Variants in STON2 observed in about 807,000 individuals in gnomAD.
STON2 encodes the protein stonin-2.
STON2 carries 29 observed loss-of-function variants against 65.7 expected under a neutral mutation model. That is an observed-to-expected ratio of 0.44 (90% CI 0.33 to 0.60). The LOEUF (loss-of-function observed/expected upper bound fraction) is 0.60, where lower values mean the gene tolerates loss of function less well. STON2 is among the 20% of genes least tolerant of loss of function. The probability of loss-of-function intolerance (pLI) is 0.03; values close to 1 mark genes in which losing one functional copy is unlikely to be tolerated. For synonymous variants in STON2, 404 were observed against 414.2 expected (o/e 0.98, Z 0.30); for missense variants, 1,054 against 1,118.1 (o/e 0.94, Z 0.82).
At chr14:81,386,018 C>T (rs1481864774) in intron 3 of STON2, among the ~76,000 whole-genome samples, 2 of 152,102 alleles carry the variant, frequency 1.3e-5, no homozygotes, top group African/African-American at 4.8e-5. Flanking sequence ...AGGGAACAGC[C>T]AGGGCAGCAG....
chr14:81,330,325 C>G (rs1897165221), intron 4 of STON2, among the ~76,000 whole-genome samples: 2 of 152,198 alleles, frequency 1.3e-5, no homozygotes, highest in Non-Finnish European at 2.9e-5. Context: ...ATGGTGGCCA[C>G]TCACAAGCCC....
At chr14:81,353,205 A>G (rs964843080) in intron 4 of STON2, among the ~76,000 whole-genome samples, 1 of 152,222 alleles carries the variant, frequency 6.6e-6, no homozygotes, top group Non-Finnish European at 1.5e-5. Flanking sequence ...ACATTTGAAA[A>G]CATGGGGAAA....
intron 2 of STON2, among the ~76,000 whole-genome samples, chr14:81,423,048 G>T (rs943967445): frequency 3.4e-5 from 5 of 147,424 alleles, no homozygotes; most frequent in Non-Finnish European, 5.9e-5. Flanking sequence ...AAAAAAAAAA[G>T]ATTTCTAGAT....
Position 81,313,810 on chromosome 14 carries a change from T to TACACAC in STON2, c.742+10201_742+10206dup, listed in dbSNP as rs10527861. Among the ~76,000 whole-genome samples, 1,036 of 139,804 alleles carry TACACAC rather than the reference T, an allele frequency of 7.4e-3. 18 individuals are homozygous for TACACAC. The highest frequency in any genetic ancestry group is 0.026 in the African/African-American group (978 of 37,932). The allele number at this position is 139,804 out of a possible 152,430, so 91.7% of individuals were successfully genotyped here. A position where few individuals can be genotyped will look rare whatever the true frequency, so the allele number is the denominator to read the frequency against. On this transcript the variant is annotated intron_variant, in intron 5 of 7. Coordinates refer to ENST00000614646, the MANE Select transcript of STON2 (RefSeq NM_001394390.1). ...ACTCCGTCTCAAAAAAAAAAAAAAA[T>TACACAC]ACACACACACACACACACACACACA...
At position 81,263,552 on chromosome 14, in the gene STON2, AAAAAAAAAC is replaced by A. The variant is rs1374883959; in HGVS notation, c.*4853_*4861del. The A allele has an allele frequency of 1.1e-5, 2 of 188,936 alleles. No individual in the cohort carries two copies. Among genetic ancestry groups the A allele is most frequent in the East Asian group, 1.9e-4 (1 of 5,366 alleles). 11.7% of individuals were successfully genotyped at this position (188,936 alleles called of 1,614,324 possible). ...GACTCCGTCTCAAAAAAAAAAAAAA[AAAAAAAAAC>A]AAAAAAGAAAATGCTATTTTTTGGC... On this transcript the variant is annotated 3_prime_UTR_variant, in exon 8 of 8. Coordinates refer to ENST00000614646, the MANE Select transcript of STON2 (RefSeq NM_001394390.1).
chr14:81,423,037 A>G (rs1049113166), intron 2 of STON2, among the ~76,000 whole-genome samples: 1 of 151,696 alleles, frequency 6.6e-6, no homozygotes, highest in Non-Finnish European at 1.5e-5. Context: ...TCTGTCTCAA[A>G]AAAAAAAAAA....
intron 5 of STON2, among the ~76,000 whole-genome samples, chr14:81,298,225 G>C (rs1287825281): frequency 6.6e-6 from 1 of 152,088 alleles, no homozygotes; most frequent in Non-Finnish European, 1.5e-5. Context: ...TTCCAGGAAG[G>C]AGAAATGAGC....
chr14:81,372,293 C>T lies in STON2; in HGVS notation c.374-1108G>A, dbSNP rs923472966. ...TTACGGCCGGGCACGGTGGCTCACG[C>T]CTGTAATCCCAGGACTTTGGAAAGC... On this transcript the variant is annotated intron_variant, in intron 3 of 7. Transcript: ENST00000614646. 6.6e-5 allele frequency among the ~76,000 whole-genome samples: 10 copies of T among 152,222 alleles called. No individual in the cohort carries two copies. The South Asian group carries it at 1.9e-3, about 28-fold the overall frequency.
At chr14:81,335,072 C>T (rs1373272117) in intron 4 of STON2, among the ~76,000 whole-genome samples, 1 of 151,602 alleles carries the variant, frequency 6.6e-6, no homozygotes, top group African/African-American at 2.4e-5. Flanking sequence ...TGCCATGTTG[C>T]CCAGGCTGGT....
intron 4 of STON2, among the ~76,000 whole-genome samples, chr14:81,360,640 C>T (rs1215672975): frequency 1.3e-5 from 2 of 152,240 alleles, no homozygotes; most frequent in East Asian, 3.9e-4. Context: ...ACTCTTGCCA[C>T]TTCTATTCAA....
chr14:81,432,709 C>T (rs1354950478), intron 1 of STON2, among the ~76,000 whole-genome samples: 3 of 152,216 alleles, frequency 2.0e-5, no homozygotes. Context: ...TATGCTTCTT[C>T]TCTGGACCCA....
At chr14:81,275,240 A>G (rs182460020) in intron 6 of STON2, among the ~76,000 whole-genome samples, 15 of 152,272 alleles carry the variant, frequency 9.9e-5, no homozygotes. Context: ...AACTGCAAAT[A>G]TCTGTTCTTC....
intron 2 of STON2, among the ~76,000 whole-genome samples, chr14:81,416,270 T>C (rs1021243499): frequency 1.3e-5 from 2 of 152,152 alleles, no homozygotes; most frequent in Admixed American, 6.5e-5. Flanking sequence ...CCCATAAAGA[T>C]TGGGAGGAGT....
intron 4 of STON2, among the ~76,000 whole-genome samples, chr14:81,339,094 C>CAAGAAAGGGCAGGAGGA: frequency 6.6e-6 from 1 of 151,668 alleles, no homozygotes; most frequent in Admixed American, 6.6e-5. Context: ...TGGAGGCAAG[C>CAAGAAAGGGCAGGAGGA]AAGAAAGGGC....
At position 81,263,537 on chromosome 14, in the gene STON2, CAAAAAAAA is replaced by C. The variant is rs59359589; in HGVS notation, c.*4869_*4876del. ...TGGGTGACAGACTGAGACTCCGTCT[CAAAAAAAA>C]AAAAAAAAAAAAAAACAAAAAAGAA... On this transcript the variant is annotated 3_prime_UTR_variant, in exon 8 of 8. Coordinates refer to ENST00000614646, the MANE Select transcript of STON2 (RefSeq NM_001394390.1). The C allele has an allele frequency of 2.0e-4, 16 of 81,038 alleles. No homozygotes were observed. The highest frequency in any genetic ancestry group is 4.0e-4 in the Admixed American group (2 of 4,972). The allele number at this position is 81,038 out of a possible 1,614,324, so 5.0% of individuals were successfully genotyped here. A position where few individuals can be genotyped will look rare whatever the true frequency, so the allele number is the denominator to read the frequency against.
At chr14:81,280,750 C>T (rs1004962258) in intron 5 of STON2, among the ~76,000 whole-genome samples, 5 of 152,146 alleles carry the variant, frequency 3.3e-5, no homozygotes, top group African/African-American at 1.2e-4. Flanking sequence ...GTGGCTCATG[C>T]CTGTAATCGC....
chr14:81,415,132 A>G (rs1005329469), intron 2 of STON2, among the ~76,000 whole-genome samples: 2 of 152,136 alleles, frequency 1.3e-5, no homozygotes, highest in Admixed American at 1.3e-4. Flanking sequence ...GATGCCCATG[A>G]CCTGCCTCCT....
At chr14:81,412,342 C>T (rs757614466) in intron 2 of STON2, among the ~76,000 whole-genome samples, 5 of 139,338 alleles carry the variant, frequency 3.6e-5, no homozygotes, top group Admixed American at 7.1e-5. Context: ...CCTAGGCGTC[C>T]GATGATGAAT....
chr14:81,364,217 C>G (rs1898621272), intron 4 of STON2, among the ~76,000 whole-genome samples: 1 of 152,156 alleles, frequency 6.6e-6, no homozygotes, highest in Non-Finnish European at 1.5e-5. Context: ...CCACTGTGAT[C>G]CGTTAAATGC....
Sources: gnomAD v4.1 joint callset for allele counts (sites outside exome capture counted in the v4.1 genomes callset) on GRCh38, gnomAD v4.1.1 for gene constraint, MANE v1.5 for transcripts, NCBI Gene and HGNC (gene_info 2026-07-23, HGNC 2026-07-21) for gene names.